The following ADGRG7 variants were observed in gnomAD, a reference collection of about 807,000 sequenced individuals.
ADGRG7 encodes the protein G-protein coupled receptor 128.
ADGRG7 carries 82 observed loss-of-function variants against 88.6 expected under a neutral mutation model. The ratio of observed to expected loss-of-function variants is 0.93; its 90% confidence interval spans 0.77 to 1.11. The LOEUF (loss-of-function observed/expected upper bound fraction) is 1.11. Among genes scored for constraint, ADGRG7 ranks in the 50% most tolerant of loss-of-function variants. The probability of loss-of-function intolerance (pLI) is 0.00; values close to 1 mark genes in which losing one functional copy is unlikely to be tolerated. For missense variants in ADGRG7, 945 were observed against 953.4 expected (o/e 0.99, Z 0.12); for synonymous variants, 381 against 345.2 (o/e 1.10, Z -1.15).
intron 15 of ADGRG7, among the ~76,000 whole-genome samples, chr3:100,674,806 T>G (rs2094962878): frequency 6.6e-6 from 1 of 152,200 alleles, no homozygotes; most frequent in Non-Finnish European, 1.5e-5. Flanking sequence ...ATCGATCTCC[T>G]GACCTCGTGA....
intron 4 of ADGRG7, among the ~76,000 whole-genome samples, chr3:100,634,464 A>G (rs150360959): frequency 2.0e-5 from 3 of 152,352 alleles, no homozygotes; most frequent in African/African-American, 7.2e-5. Context: ...ATTAATGTAC[A>G]CATTTTATAG....
intron 4 of ADGRG7, chr3:100,635,411 T>G: frequency 2.4e-6 from 1 of 417,264 alleles, no homozygotes. Flanking sequence ...CGCTGGCCCA[T>G]GGATACACTC....
intron 11 of ADGRG7, among the ~76,000 whole-genome samples, chr3:100,651,870 C>T (rs2094929688): frequency 6.6e-6 from 1 of 152,002 alleles, no homozygotes; most frequent in South Asian, 2.1e-4. Flanking sequence ...TAAGATGTTG[C>T]AAAAGTGATA....
At chr3:100,644,548 A>C (rs1297191419) in intron 8 of ADGRG7, among the ~76,000 whole-genome samples, 2 of 152,138 alleles carry the variant, frequency 1.3e-5, no homozygotes, top group Non-Finnish European at 2.9e-5. Flanking sequence ...GATCTCTTTA[A>C]AAAAGAGAGA....
At chr3:100,647,887 A>G (rs766248153) in intron 10 of ADGRG7, among the ~76,000 whole-genome samples, 6 of 152,210 alleles carry the variant, frequency 3.9e-5, no homozygotes, top group African/African-American at 7.2e-5. Context: ...GCCAGTGGAG[A>G]CTGGTAGAAC....
intron 15 of ADGRG7, among the ~76,000 whole-genome samples, chr3:100,689,855 G>T (rs1172816562): frequency 2.6e-5 from 4 of 152,086 alleles, no homozygotes; most frequent in Admixed American, 1.3e-4. Flanking sequence ...TATGTGTCTT[G>T]GAGTTGCTCT....
intron 11 of ADGRG7, chr3:100,654,560 T>C (rs968761124): frequency 5.1e-5 from 14 of 273,652 alleles, no homozygotes; most frequent in Middle Eastern, 1.2e-3. Flanking sequence ...GGGGCCATTT[T>C]TGGAGATTAG....
At chr3:100,628,445 G>A (rs7644599) in intron 1 of ADGRG7, among the ~76,000 whole-genome samples, 90,229 of 151,086 alleles carry the variant, frequency 0.6, 29,070 homozygotes, top group East Asian at 0.99. Flanking sequence ...TGCAACCTCC[G>A]CCTCCCAGGT....
In ADGRG7 at chr3:100,669,027, A is replaced by T; in HGVS notation, c.2058A>T (p.Leu686=). The T allele has an allele frequency of 6.2e-7, 1 of 1,606,532 alleles. No individual in the cohort carries two copies. The highest frequency in any genetic ancestry group is 1.3e-5 in the African/African-American group (1 of 74,904). Residue 686 remains leucine (L), a synonymous_variant, in exon 15 of 16, where the codon CTA becomes CTT. Coordinates refer to ENST00000273352, the MANE Select transcript of ADGRG7 (RefSeq NM_032787.3). ...TTGTTTTTGGAATTACCTGGATTCT[A>T]GCATACCTGATGCTAGTTAATGATG... ...VAVVFGITWI[L]AYLMLVNDDS...
intron 1 of ADGRG7, among the ~76,000 whole-genome samples, chr3:100,624,226 C>T (rs910618699): frequency 2.0e-5 from 3 of 152,300 alleles, no homozygotes; most frequent in African/African-American, 7.2e-5. Flanking sequence ...TTAATAATCA[C>T]CATTCTGACT....
At chr3:100,627,301 C>A (rs936094743) in intron 1 of ADGRG7, among the ~76,000 whole-genome samples, 12 of 152,122 alleles carry the variant, frequency 7.9e-5, no homozygotes, top group Admixed American at 7.9e-4. Context: ...TTGTCTCCTG[C>A]ATTTATTGAG....
In ADGRG7 at chr3:100,643,411, C is replaced by G. The variant is rs372913854; in HGVS notation, c.838+6C>G. The G allele has an allele frequency of 3.2e-5, 51 of 1,613,472 alleles. No individual in the cohort carries two copies. The highest frequency in any genetic ancestry group is 4.3e-5 in the Non-Finnish European group (51 of 1,179,780). On this transcript the variant is annotated splice_donor_region_variant and intron_variant, in intron 7 of 15. Coordinates refer to ENST00000273352, the MANE Select transcript of ADGRG7 (RefSeq NM_032787.3). ...TCGCTTCTCTGTGCAGAAAGGTGAG[C>G]TGTTAATCTTATGTGCTTGTAACAG...
rs1453143670 is a variant in ADGRG7, at chr3:100,694,817, T to G, written c.2210T>G (p.Leu737Trp). 6.2e-7 allele frequency: 1 copy of G among 1,614,176 alleles called. No individual in the cohort carries two copies. Residue 737 changes from leucine (L) to tryptophan (W), a missense_variant, in exon 16 of 16, where the codon TTG (leucine) becomes TGG (tryptophan). Leu to Trp is a moderately conservative substitution (Grantham distance 61, BLOSUM62 -2). Transcript: ENST00000273352. ...FQSEASKVLM[L>W]LSSIGRRKSL... Reference sequence around the variant, plus strand: ...AGTGAAGCTTCCAAAGTGTTGATGTTGCTATCGTCTATTGGGAGAAGGAAG... The same window carrying G: ...AGTGAAGCTTCCAAAGTGTTGATGTGGCTATCGTCTATTGGGAGAAGGAAG...
At chr3:100,638,066 C>T (rs1418583644) in intron 6 of ADGRG7, among the ~76,000 whole-genome samples, 1 of 152,232 alleles carries the variant, frequency 6.6e-6, no homozygotes, top group East Asian at 1.9e-4. Context: ...TTACAATGCT[C>T]TCTTAGCTCC....
At chr3:100,665,588 T>G in intron 14 of ADGRG7, 1 of 364,134 alleles carries the variant, frequency 2.7e-6, no homozygotes, top group Non-Finnish European at 5.3e-6. Flanking sequence ...TCTTCCTATA[T>G]GAACGGTAGT....
intron 14 of ADGRG7, chr3:100,665,453 CAAA>C (rs375867931): frequency 1.1e-5 from 6 of 535,262 alleles, no homozygotes; most frequent in African/African-American, 3.9e-5. Flanking sequence ...TCAGCAACAT[CAAA>C]ACCACCAAAG....
rs1707449346 is a variant in ADGRG7 at position 100,630,758 on chromosome 3, G to C, written c.283G>C (p.Val95Leu). 4 of 1,485,364 alleles carry C rather than the reference G, an allele frequency of 2.7e-6. No homozygotes were observed. The Admixed American group carries it at 9.5e-5, about 35-fold the overall frequency. 92.0% of individuals were successfully genotyped at this position (1,485,364 alleles called of 1,614,324 possible). A position where few individuals can be genotyped will look rare whatever the true frequency, so the allele number is the denominator to read the frequency against. The change falls in exon 3 of 16, where the codon GTG becomes CTG. Residue 95 changes from valine to leucine, a missense_variant. Physicochemically the swap from Val to Leu is conservative, Grantham distance 32. Coordinates refer to ENST00000273352, the MANE Select transcript of ADGRG7 (RefSeq NM_032787.3). The part of the protein sequence containing the change: ...YMGFTFARIP[V>L]GRYGPSLQTC... Reference sequence around the variant, plus strand: ...GGGTTTTACTTTTGCCAGAATCCCAGTGGGCAGATATGGACCATCCTTGCA... The same window carrying C: ...GGGTTTTACTTTTGCCAGAATCCCACTGGGCAGATATGGACCATCCTTGCA...
chr3:100,637,246 G>A (rs540068247), intron 5 of ADGRG7, 56 bp from the exon 6 acceptor site: 1 of 1,100,736 alleles, frequency 9.1e-7, no homozygotes, highest in African/African-American at 1.5e-5. Flanking sequence ...GATAATGATG[G>A]TGATGATAAT....
chr3:100,688,797 C>G (rs868685536), intron 15 of ADGRG7, among the ~76,000 whole-genome samples: 94 of 152,202 alleles, frequency 6.2e-4, no homozygotes, highest in Non-Finnish European at 1.0e-3. Flanking sequence ...TTACTTCCAA[C>G]TATGTGGTCA....
Sources: gnomAD v4.1 joint callset for allele counts (sites outside exome capture counted in the v4.1 genomes callset) on GRCh38, gnomAD v4.1.1 for gene constraint, MANE v1.5 for transcripts, NCBI Gene and HGNC (gene_info 2026-07-23, HGNC 2026-07-21) for gene names.